Variants in NAV2 observed in about 807,000 individuals in gnomAD.
The protein encoded by NAV2 is neuron navigator 2.
In NAV2, 54 loss-of-function variants were observed where a neutral mutation model predicts 223.2. The ratio of observed to expected loss-of-function variants is 0.24; its 90% confidence interval spans 0.19 to 0.30. NAV2 has a LOEUF of 0.30. Ranked by LOEUF, NAV2 falls within the 10% of genes least tolerant of loss-of-function variation. NAV2 has a pLI of 1.00. For missense variants in NAV2, 2,806 were observed against 3,147.5 expected (o/e 0.89, Z 2.60); for synonymous variants, 1,279 against 1,239.3 (o/e 1.03, Z -0.67).
At chr11:19,761,533 T>C (rs1428856900) in intron 1 of NAV2, among the ~76,000 whole-genome samples, 3 of 152,214 alleles carry the variant, frequency 2.0e-5, no homozygotes, top group East Asian at 1.9e-4. Context: ...GGCAGCACAA[T>C]AGCCAACACA....
At chr11:19,691,162 T>C (rs1305612205) in intron 1 of NAV2, among the ~76,000 whole-genome samples, 1 of 152,042 alleles carries the variant, frequency 6.6e-6, no homozygotes, top group African/African-American at 2.4e-5. Flanking sequence ...GGATCACACT[T>C]AGATAAACAG....
chr11:19,779,969 A>G (rs1034374771), intron 1 of NAV2, among the ~76,000 whole-genome samples: 5 of 152,358 alleles, frequency 3.3e-5, no homozygotes, highest in East Asian at 3.9e-4. Context: ...CCGAACTTTT[A>G]TCACTGATGC....
At chr11:19,709,079 C>T (rs2049770762), upstream of NAV2, among the ~76,000 whole-genome samples, 3 of 151,902 alleles carry the variant, frequency 2.0e-5, no homozygotes, top group Admixed American at 1.3e-4. Context: ...AAGGAGTAAA[C>T]TTATAGGCCG....
At chr11:19,474,524 G>A (rs774856026) in intron 1 of NAV2, among the ~76,000 whole-genome samples, 13 of 152,202 alleles carry the variant, frequency 8.5e-5, no homozygotes, top group Non-Finnish European at 1.6e-4. Flanking sequence ...TACTGTGGGC[G>A]CTGATGCTAG....
At chr11:20,066,277 A>G (rs1326123200) in intron 20 of NAV2, among the ~76,000 whole-genome samples, 2 of 152,330 alleles carry the variant, frequency 1.3e-5, no homozygotes, top group Non-Finnish European at 2.9e-5. Context: ...ATCAGTAAGT[A>G]TTTGATAGGT....
At chr11:19,498,832 T>C (rs1389090167) in intron 1 of NAV2, among the ~76,000 whole-genome samples, 1 of 152,260 alleles carries the variant, frequency 6.6e-6, no homozygotes, top group African/African-American at 2.4e-5. Context: ...TGCTGTTGGA[T>C]GTCACATCAT....
intron 12 of NAV2, among the ~76,000 whole-genome samples, chr11:20,041,820 CTAAG>C (rs1255686552): frequency 6.6e-6 from 1 of 152,174 alleles, no homozygotes; most frequent in Non-Finnish European, 1.5e-5. Flanking sequence ...TCTTCTTTTA[CTAAG>C]TAAGTTTCTT....
At chr11:19,374,938 A>G (rs1275463465) in intron 1 of NAV2, among the ~76,000 whole-genome samples, 1 of 152,120 alleles carries the variant, frequency 6.6e-6, no homozygotes, top group African/African-American at 2.4e-5. Flanking sequence ...GGTGCACAGA[A>G]ACTGACTTTG....
intron 5 of NAV2, among the ~76,000 whole-genome samples, chr11:19,889,627 T>A (rs1709809412): frequency 6.6e-6 from 1 of 152,246 alleles, no homozygotes; most frequent in Non-Finnish European, 1.5e-5. Context: ...TGCAGCCATT[T>A]GAACGATGTG....
chr11:19,581,436 T>C (rs2045714247), intron 1 of NAV2, among the ~76,000 whole-genome samples: 4 of 152,206 alleles, frequency 2.6e-5, no homozygotes, highest in Non-Finnish European at 5.9e-5. Context: ...TTGTTACATA[T>C]GTATACATGT....
At chr11:20,039,446 C>T (rs1310960289) in intron 12 of NAV2, among the ~76,000 whole-genome samples, 1 of 152,068 alleles carries the variant, frequency 6.6e-6, no homozygotes, top group African/African-American at 2.4e-5. Flanking sequence ...CCTCCCTCCT[C>T]TCCTTCCCTT....
chr11:19,611,257 G>T (rs941704473), intron 1 of NAV2, among the ~76,000 whole-genome samples: 1 of 152,184 alleles, frequency 6.6e-6, no homozygotes, highest in Non-Finnish European at 1.5e-5. Flanking sequence ...CAACACGTGG[G>T]AATTCTGGGA....
At chr11:19,461,382 C>T (rs1852153682) in intron 1 of NAV2, among the ~76,000 whole-genome samples, 1 of 152,114 alleles carries the variant, frequency 6.6e-6, no homozygotes, top group South Asian at 2.1e-4. Context: ...AAAAAATGAA[C>T]TTGGGTTTAT....
At chr11:20,043,013 G>C (rs2057076272) in intron 12 of NAV2, among the ~76,000 whole-genome samples, 1 of 152,176 alleles carries the variant, frequency 6.6e-6, no homozygotes, top group African/African-American at 2.4e-5. Flanking sequence ...TATATCCCTT[G>C]TCAGAACAAA....
chr11:19,828,453 T>G (rs1191417578), intron 1 of NAV2, among the ~76,000 whole-genome samples: 1 of 152,260 alleles, frequency 6.6e-6, no homozygotes, highest in African/African-American at 2.4e-5. Flanking sequence ...TGTCCTTTTG[T>G]ATCTGGCTTA....
rs569500154 is a variant in NAV2 at position 20,044,052 on chromosome 11, C to T, written c.2979C>T (p.Asp993=). The change falls in exon 13 of 38, where the codon GAC becomes GAT. Residue 993 remains aspartate, a synonymous_variant. Coordinates refer to ENST00000349880, the MANE Select transcript of NAV2 (RefSeq NM_145117.5). ...LWSGDDVKKS[D]GGSDSGIKME... ...CTGGTGATGATGTCAAGAAATCAGA[C>T]GGAGGCTCAGACAGCGGCATAAAAA... 15 of 1,614,146 alleles carry T rather than the reference C, an allele frequency of 9.3e-6. 1 individual carries two copies. Among genetic ancestry groups the T allele is most frequent in the Middle Eastern group, 1.6e-4 (1 of 6,062 alleles).
At position 20,045,144 on chromosome 11, in the gene NAV2, A is replaced by G. The variant is rs571421401; in HGVS notation, c.3376A>G (p.Ser1126Gly). 2 of 1,614,106 alleles carry G rather than the reference A, an allele frequency of 1.2e-6. No individual in the cohort carries two copies. Among genetic ancestry groups the G allele is most frequent in the East Asian group, 4.5e-5 (2 of 44,884 alleles). ...CAACAGCTTTGGGTTCAAGAAGCAG[A>G]GTGGTTCCGCCGCCGGCCTGGCCAT... ...NANSFGFKKQ[S>G]GSAAGLAMIT... The change falls in exon 14 of 38, where the codon AGT becomes GGT. Residue 1126 changes from serine to glycine, a missense_variant. Around this residue, in one of 4 missense-constraint regions of NAV2, gnomAD observed 742 missense variants for 777.9 expected, o/e 0.95. Transcript: ENST00000349880.
At chr11:19,943,621 G>A (rs2046586276) in intron 8 of NAV2, among the ~76,000 whole-genome samples, 1 of 152,138 alleles carries the variant, frequency 6.6e-6, no homozygotes, top group Non-Finnish European at 1.5e-5. Flanking sequence ...CTTGTCCCCT[G>A]TTAATGGCAA....
intron 1 of NAV2, among the ~76,000 whole-genome samples, chr11:19,386,917 CT>C (rs1047469322): frequency 6.6e-6 from 1 of 151,994 alleles, no homozygotes; most frequent in Non-Finnish European, 1.5e-5. Context: ...TGGGGTCTTT[CT>C]TTGGGGTAAA....
Sources: gnomAD v4.1 joint callset for allele counts (sites outside exome capture counted in the v4.1 genomes callset) on GRCh38, gnomAD v4.1.1 for gene constraint, gnomAD v4.1.1 regional missense constraint, MANE v1.5 for transcripts, NCBI Gene and HGNC (gene_info 2026-07-23, HGNC 2026-07-21) for gene names.